Variants in PSD3 observed in about 807,000 individuals in gnomAD.
PSD3 encodes PH and SEC7 domain-containing protein 3.
In PSD3, 49 loss-of-function variants were observed where a neutral mutation model predicts 105.5. The observed-to-expected ratio is 0.46, with a 90% CI of 0.37 to 0.59. PSD3 has a LOEUF of 0.59. Ranked by LOEUF, PSD3 falls within the 20% of genes least tolerant of loss-of-function variation. The probability of loss-of-function intolerance (pLI) is 0.00; values close to 1 mark genes in which losing one functional copy is unlikely to be tolerated. For missense variants in PSD3, 1,561 were observed against 1,263.8 expected (o/e 1.24, Z -3.57); for synonymous variants, 557 against 457.8 (o/e 1.22, Z -2.77).
At chr8:18,720,283 C>G (rs1802877413) in intron 9 of PSD3, among the ~76,000 whole-genome samples, 1 of 152,162 alleles carries the variant, frequency 6.6e-6, no homozygotes, top group Non-Finnish European at 1.5e-5. Flanking sequence ...CCAATCATTC[C>G]TGGCAACATG....
intron 15 of PSD3, among the ~76,000 whole-genome samples, chr8:18,546,381 A>G (rs968953094): frequency 1.1e-4 from 16 of 152,310 alleles, no homozygotes; most frequent in Admixed American, 6.5e-4. Flanking sequence ...TTACCAGTCC[A>G]TGTCCAATTT....
At chr8:18,588,867 C>T (rs1319899202) in intron 12 of PSD3, among the ~76,000 whole-genome samples, 2 of 151,722 alleles carry the variant, frequency 1.3e-5, no homozygotes, top group African/African-American at 4.8e-5. Context: ...CTTGGCATCA[C>T]TCCTCTCAAA....
intron 4 of PSD3, among the ~76,000 whole-genome samples, chr8:18,808,024 T>A (rs548140381): frequency 6.6e-6 from 1 of 152,332 alleles, no homozygotes; most frequent in African/African-American, 2.4e-5. Flanking sequence ...TGAATAATCA[T>A]TATCGACAGT....
chr8:18,603,139 T>G (rs190985688), intron 11 of PSD3, among the ~76,000 whole-genome samples: 6 of 152,334 alleles, frequency 3.9e-5, no homozygotes, highest in Non-Finnish European at 1.5e-5. Context: ...AAAGACACCA[T>G]TTTACATGTG....
At chr8:18,550,985 C>G (rs1333327307) in intron 15 of PSD3, among the ~76,000 whole-genome samples, 1 of 152,096 alleles carries the variant, frequency 6.6e-6, no homozygotes, top group Non-Finnish European at 1.5e-5. Flanking sequence ...GAATTTCTCC[C>G]TTGCTTTCGC....
rs370894275 is a variant in PSD3, at chr8:19,073,325, C to T, written c.324+10881G>A. Among the ~76,000 whole-genome samples the T allele has an allele frequency of 2.5e-3, 374 of 152,022 alleles. 4 individuals are homozygous for T. The highest frequency in any genetic ancestry group is 8.3e-3 in the African/African-American group (343 of 41,466). On this transcript the variant is annotated intron_variant, in intron 1 of 1. Transcript: ENST00000521475. ...CAGTACTCTGGGAGGCCAAGGCGGG[C>T]GGATCACTTGGGGTTGGGAGTTTGA...
chr8:18,841,720 G>A (rs749474024), intron 4 of PSD3, among the ~76,000 whole-genome samples: 22 of 152,108 alleles, frequency 1.4e-4, no homozygotes, highest in Non-Finnish European at 2.5e-4. Context: ...TCCATCTGGC[G>A]CTAACATGAA....
intron 1 of PSD3, among the ~76,000 whole-genome samples, chr8:19,074,778 A>G (rs1388702093): frequency 6.7e-6 from 1 of 149,992 alleles, no homozygotes; most frequent in Non-Finnish European, 1.5e-5. Flanking sequence ...CCACCACCAC[A>G]CCGGGCTAAT....
At chr8:18,639,048 C>T (rs10090697) in intron 10 of PSD3, among the ~76,000 whole-genome samples, 2,487 of 152,242 alleles carry the variant, frequency 0.016, 71 homozygotes, top group African/African-American at 0.056. Flanking sequence ...ATCCCCTCTT[C>T]GATCCCTACT....
intron 1 of PSD3, among the ~76,000 whole-genome samples, chr8:19,006,018 A>C: frequency 6.6e-6 from 1 of 151,864 alleles, no homozygotes; most frequent in East Asian, 1.9e-4. Flanking sequence ...ACTATAAAGG[A>C]TATATAGGCC....
chr8:18,808,938 C>G, intron 4 of PSD3: 1 of 1,461,932 alleles, frequency 6.8e-7, no homozygotes, highest in Non-Finnish European at 9.0e-7. Context: ...ACATTCTCAG[C>G]CGAGTGTTCA....
intron 8 of PSD3, among the ~76,000 whole-genome samples, chr8:18,767,603 C>T (rs1177309353): frequency 5.3e-5 from 8 of 151,886 alleles, no homozygotes; most frequent in East Asian, 3.9e-4. Flanking sequence ...ATAAATTAGC[C>T]GGGTGCAGTG....
At chr8:19,017,443 G>T (rs568222377), upstream of PSD3, among the ~76,000 whole-genome samples, 25 of 152,240 alleles carry the variant, frequency 1.6e-4, 1 homozygote, top group South Asian at 5.0e-3. Flanking sequence ...CCCATTTAAA[G>T]AGTACAAATC....
At chr8:18,892,422 A>G (rs907474141) in intron 2 of PSD3, among the ~76,000 whole-genome samples, 2 of 151,570 alleles carry the variant, frequency 1.3e-5, no homozygotes, top group Non-Finnish European at 2.9e-5. Flanking sequence ...ACGGAGTTTC[A>G]CCATGTTAGC....
intron 2 of PSD3, among the ~76,000 whole-genome samples, chr8:18,914,430 C>G (rs1316106908): frequency 6.6e-6 from 1 of 152,104 alleles, no homozygotes; most frequent in African/African-American, 2.4e-5. Flanking sequence ...GTAAAATGGT[C>G]TCTTTTTGCA....
chr8:19,058,461 G>A lies in PSD3; in HGVS notation c.324+25745C>T, dbSNP rs545593231. ...ACATTGTAATATATAATATATAATA[G>A]CATATACAATATAAGTATATAAAAT... is the stretch of plus-strand genomic sequence containing the variant. On this transcript the variant is annotated intron_variant, in intron 1 of 1. Transcript: ENST00000521475. Among the ~76,000 whole-genome samples the A allele has an allele frequency of 2.7e-5, 4 of 147,330 alleles. No homozygotes were observed. In the South Asian group the frequency reaches 8.5e-4, roughly 31 times the overall value.
At chr8:18,712,189 A>G (rs185844142) in intron 9 of PSD3, among the ~76,000 whole-genome samples, 1 of 152,224 alleles carries the variant, frequency 6.6e-6, no homozygotes, top group Admixed American at 6.5e-5. Context: ...CCTCACATCA[A>G]CAACCTAACA....
chr8:18,709,322 G>A (rs1802097773), intron 9 of PSD3, among the ~76,000 whole-genome samples: 1 of 152,214 alleles, frequency 6.6e-6, no homozygotes. Flanking sequence ...CTCCAGCCAG[G>A]GATTTAGGAT....
chr8:18,831,760 C>T (rs62498312), intron 4 of PSD3, among the ~76,000 whole-genome samples: 4,852 of 152,106 alleles, frequency 0.032, 101 homozygotes, highest in South Asian at 0.057. Context: ...CAAACAAACA[C>T]GACATCAAAC....
Sources: allele counts gnomAD v4.1 joint callset (sites outside exome capture counted in the v4.1 genomes callset), GRCh38; gene constraint gnomAD v4.1.1; transcripts MANE v1.5; gene names NCBI Gene and HGNC (gene_info 2026-07-23, HGNC 2026-07-21).